ZDHHC14: variants seen among roughly 807,000 people sequenced by gnomAD.
ZDHHC14 encodes zDHHC palmitoyltransferase 14.
A neutral mutation model predicts 47.7 loss-of-function variants in ZDHHC14; 16 were observed. That is an observed-to-expected ratio of 0.34 (90% CI 0.23 to 0.51). The LOEUF (loss-of-function observed/expected upper bound fraction) is 0.51, where lower values mean the gene tolerates loss of function less well. Ranked by LOEUF, ZDHHC14 falls within the 20% of genes least tolerant of loss-of-function variation. The probability of loss-of-function intolerance (pLI) is 0.97; values close to 1 mark genes in which losing one functional copy is unlikely to be tolerated. For synonymous variants in ZDHHC14, 293 were observed against 278.9 expected, an observed-to-expected ratio of 1.05 and a Z score of -0.50; for missense variants, 515 against 662.5, an observed-to-expected ratio of 0.78 and a Z score of 2.44.
chr6:157,640,782 A>G (rs1445581563), intron 5 of ZDHHC14, among the ~76,000 whole-genome samples: 1 of 152,178 alleles, frequency 6.6e-6, no homozygotes, highest in Non-Finnish European at 1.5e-5. Context: ...TGCTTTTTCA[A>G]AGCACCCAAG....
intron 1 of ZDHHC14, among the ~76,000 whole-genome samples, chr6:157,434,159 A>G (rs1056350236): frequency 4.0e-5 from 6 of 151,882 alleles, no homozygotes; most frequent in African/African-American, 1.2e-4. Flanking sequence ...CGGTATTAGT[A>G]TTAGACCTAA....
chr6:157,644,293 A>C (rs1777409542), intron 5 of ZDHHC14, among the ~76,000 whole-genome samples: 6 of 152,182 alleles, frequency 3.9e-5, no homozygotes, highest in Admixed American at 3.9e-4. Flanking sequence ...GTGGGAAGGC[A>C]GTTGAGAATG....
At chr6:157,394,024 A>G (rs944535961) in intron 1 of ZDHHC14, among the ~76,000 whole-genome samples, 4 of 152,184 alleles carry the variant, frequency 2.6e-5, no homozygotes, top group African/African-American at 9.7e-5. Context: ...TCTGACTCCC[A>G]GAAAGCAAGT....
intron 2 of ZDHHC14, chr6:157,592,673 C>G: frequency 9.9e-7 from 1 of 1,010,632 alleles, no homozygotes. Context: ...GCCTCTCCTG[C>G]CGCCTACAGG....
intron 5 of ZDHHC14, among the ~76,000 whole-genome samples, chr6:157,639,465 C>T (rs942268847): frequency 2.0e-5 from 3 of 152,090 alleles, no homozygotes; most frequent in Non-Finnish European, 2.9e-5. Flanking sequence ...CCACCAAGCC[C>T]GGCTAATTTT....
chr6:157,565,365 G>A (rs556632340), intron 2 of ZDHHC14, among the ~76,000 whole-genome samples: 7 of 152,220 alleles, frequency 4.6e-5, no homozygotes, highest in Non-Finnish European at 7.3e-5. Flanking sequence ...TTAAGTGCTT[G>A]CCTATTGTGT....
At chr6:157,420,880 A>G (rs951072507) in intron 1 of ZDHHC14, among the ~76,000 whole-genome samples, 23 of 152,100 alleles carry the variant, frequency 1.5e-4, no homozygotes, top group African/African-American at 5.6e-4. Flanking sequence ...TTGGCAACAG[A>G]GCCCTGTGCG....
At chr6:157,492,715 A>T (rs1323471533) in intron 1 of ZDHHC14, among the ~76,000 whole-genome samples, 1 of 152,138 alleles carries the variant, frequency 6.6e-6, no homozygotes, top group Non-Finnish European at 1.5e-5. Context: ...TCACTTTACC[A>T]TGGGACAGGT....
chr6:157,556,380 G>C (rs1316541122), intron 2 of ZDHHC14, among the ~76,000 whole-genome samples: 1 of 152,198 alleles, frequency 6.6e-6, no homozygotes, highest in Non-Finnish European at 1.5e-5. Flanking sequence ...AGGCTACTGT[G>C]ATTCCCACTT....
intron 1 of ZDHHC14, among the ~76,000 whole-genome samples, chr6:157,489,455 T>C (rs1001082928): frequency 1.3e-5 from 2 of 152,198 alleles, no homozygotes; most frequent in Non-Finnish European, 2.9e-5. Flanking sequence ...TTGAATGTTT[T>C]TATTGTTGTT....
chr6:157,464,013 A>G (rs529245998), intron 1 of ZDHHC14, among the ~76,000 whole-genome samples: 117 of 152,318 alleles, frequency 7.7e-4, no homozygotes, highest in Admixed American at 1.8e-3. Flanking sequence ...TGACAGAGCA[A>G]GATTCTGTCT....
rs939926833 is a variant in ZDHHC14, at chr6:157,677,767, G to A, written c.*4645G>A. 6.6e-6 allele frequency: 1 copy of A among 151,598 alleles called. No homozygotes were observed. The highest frequency in any genetic ancestry group is 2.4e-5 in the African/African-American group (1 of 41,204). 9.4% of individuals were successfully genotyped at this position (151,598 alleles called of 1,614,324 possible). The stretch of plus-strand genomic sequence containing the variant: ...TGCCCTCGATGTTTCAAGATGCCTG[G>A]TGAAACCGAGAGGCCACATGGCATG... On this transcript the variant is annotated 3_prime_UTR_variant, in exon 9 of 9. Coordinates refer to ENST00000359775, the MANE Select transcript of ZDHHC14 (RefSeq NM_024630.3).
chr6:157,389,099 T>C (rs1303221039), intron 1 of ZDHHC14, among the ~76,000 whole-genome samples: 1 of 151,902 alleles, frequency 6.6e-6, no homozygotes, highest in Non-Finnish European at 1.5e-5. Context: ...TAACATAAGA[T>C]AGCATCATAG....
intron 3 of ZDHHC14, among the ~76,000 whole-genome samples, chr6:157,610,851 C>G (rs1041933081): frequency 5.3e-5 from 8 of 152,208 alleles, no homozygotes; most frequent in Non-Finnish European, 1.2e-4. Flanking sequence ...GCCTGGGCAG[C>G]CAATTCGTAA....
rs1030110199 is a variant in ZDHHC14, at chr6:157,586,626, C to T, written c.407-6362C>T. Among the ~76,000 whole-genome samples, 2 of 152,198 alleles carry T rather than the reference C, an allele frequency of 1.3e-5. No individual in the cohort carries two copies. Among genetic ancestry groups the T allele is most frequent in the Non-Finnish European group, 2.9e-5 (2 of 68,036 alleles). ...AATGGGTGGCAAGACGGGCTCAAGA[C>T]TTGCTGTGCTCATCAGACAGCCCAG... is the stretch of plus-strand genomic sequence containing the variant. On this transcript the variant is annotated intron_variant, in intron 2 of 8. Transcript: ENST00000359775. The surrounding 1 kb of genome is among the most constrained non-coding windows in gnomAD (Gnocchi z 4.6).
intron 1 of ZDHHC14, among the ~76,000 whole-genome samples, chr6:157,477,260 A>G (rs772199388): frequency 9.9e-5 from 15 of 152,192 alleles, no homozygotes; most frequent in Non-Finnish European, 2.1e-4. Flanking sequence ...TGCACCTGTA[A>G]TCGCAGCTAC....
At chr6:157,522,975 CTTTTCTTTTTCT>C (rs1370026952) in intron 1 of ZDHHC14, among the ~76,000 whole-genome samples, 2,417 of 30,550 alleles carry the variant, frequency 0.079, 30 homozygotes, top group Non-Finnish European at 0.089. Context: ...CTTTTCTTTT[CTTTTCTTTTTCT>C]TTTCTTTTCT....
At chr6:157,570,766 CACACAT>C (rs1434699101) in intron 2 of ZDHHC14, among the ~76,000 whole-genome samples, 4 of 148,784 alleles carry the variant, frequency 2.7e-5, no homozygotes, top group African/African-American at 7.5e-5. Flanking sequence ...CACACACACA[CACACAT>C]ATATATATAC....
intron 3 of ZDHHC14, among the ~76,000 whole-genome samples, chr6:157,613,140 G>A (rs192747069): frequency 4.4e-4 from 67 of 152,276 alleles, no homozygotes; most frequent in Non-Finnish European, 1.3e-4. Context: ...CAACCTACAC[G>A]TGTATTTATC....
Sources: allele counts gnomAD v4.1 joint callset (sites outside exome capture counted in the v4.1 genomes callset), GRCh38; gene constraint gnomAD v4.1.1; non-coding constraint Gnocchi (gnomAD v3.1); transcripts MANE v1.5; gene names NCBI Gene and HGNC (gene_info 2026-07-23, HGNC 2026-07-21).